SZT2: variants seen among roughly 807,000 people sequenced by gnomAD.
SZT2 encodes KICSTOR complex protein SZT2.
Under a neutral mutation model 404.2 loss-of-function variants are expected in SZT2, and 216 were observed. The observed-to-expected ratio is 0.53, with a 90% CI of 0.48 to 0.60. The LOEUF (loss-of-function observed/expected upper bound fraction) is 0.60, where lower values mean the gene tolerates loss of function less well. Among genes scored for constraint, SZT2 ranks in the 20% least tolerant of loss-of-function variants. The probability of loss-of-function intolerance (pLI) is 0.00; values close to 1 mark genes in which losing one functional copy is unlikely to be tolerated. For missense variants in SZT2, 3,857 were observed against 4,459.2 expected, an observed-to-expected ratio of 0.86 and a Z score of 3.85; for synonymous variants, 1,693 against 1,749.9, an observed-to-expected ratio of 0.97 and a Z score of 0.81.
Position 43,452,985 on chromosome 1 carries a change from C to T in SZT2, c.*2505C>T, listed in dbSNP as rs1442552446. On this transcript the variant is annotated 3_prime_UTR_variant, in exon 72 of 72. Coordinates refer to ENST00000634258, the MANE Select transcript of SZT2 (RefSeq NM_001365999.1). ...TTGCAAGGAACACTCAACTTCCTGC[C>T]CATCAAGCAATGCCCACTCCTTGAA... 1 of 1,600,276 alleles carries T rather than the reference C, an allele frequency of 6.2e-7. No individual in the cohort carries two copies. Among genetic ancestry groups the T allele is most frequent in the Admixed American group, 1.7e-5 (1 of 59,474 alleles).
Position 43,441,544 on chromosome 1 carries a change from C to G in SZT2, c.7552C>G (p.Leu2518Val). ...GCTAGAAGAGGGTGAGGTGGGGACC[C>G]TTCATCCTGTGTTTGCCCGTGTTGC... is the stretch of plus-strand genomic sequence containing the variant. Reference protein sequence around the residue: ...TQLEEGEVGTLHPVFARVAQR... With the variant: ...TQLEEGEVGTVHPVFARVAQR... The change falls in exon 54 of 72, where the codon CTT becomes GTT. Residue 2518 changes from leucine (L) to valine (V), a missense_variant. Around this residue, in one of 7 missense-constraint regions of SZT2, gnomAD observed 573 missense variants for 592.4 expected, o/e 0.97. Coordinates refer to ENST00000634258, the MANE Select transcript of SZT2 (RefSeq NM_001365999.1). This position sits in a 1 kb window ranked among gnomAD's most constrained non-coding sequence, Gnocchi z 4.8. The G allele has an allele frequency of 5.0e-6, 8 of 1,614,116 alleles. No homozygotes were observed. The highest frequency in any genetic ancestry group is 2.2e-5 in the East Asian group (1 of 44,884).
intron 1 of SZT2, among the ~76,000 whole-genome samples, chr1:43,401,971 T>G (rs2153929402): frequency 6.6e-6 from 1 of 152,354 alleles, no homozygotes; most frequent in African/African-American, 2.4e-5. Flanking sequence ...GTATCTGTTC[T>G]CCACACTTTT....
chr1:43,421,413 C>T (rs1357787725), intron 11 of SZT2, 110 bp downstream of exon 11: 1 of 1,450,318 alleles, frequency 6.9e-7, no homozygotes, highest in Non-Finnish European at 9.3e-7. Flanking sequence ...GTCTAAGGCA[C>T]CTAAGCCAGA....
At chr1:43,418,355 A>G (rs184901088) in intron 7 of SZT2, among the ~76,000 whole-genome samples, 1 of 152,340 alleles carries the variant, frequency 6.6e-6, no homozygotes, top group Non-Finnish European at 1.5e-5. Context: ...TAAAGTCCCT[A>G]AATTGACAGG....
chr1:43,437,264 G>GAA lies in SZT2; in HGVS notation c.6129_6130dup (p.Thr2044LysfsTer3). ...CATTTCTCCTGTGACGTTGTGTGGG[G>GAA]AACTGTGATCCGAGTCCATTCACGC... On this transcript the variant is annotated frameshift_variant, in exon 43 of 72. Transcript: ENST00000634258. LOFTEE classifies it high-confidence loss of function. The surrounding 1 kb of genome is among the most constrained non-coding windows in gnomAD (Gnocchi z 5.3). The GAA allele has an allele frequency of 6.2e-7, 1 of 1,614,158 alleles. No homozygotes were observed. Among genetic ancestry groups the GAA allele is most frequent in the Non-Finnish European group, 8.5e-7 (1 of 1,180,026 alleles).
At chr1:43,427,812 G>A (rs907531712) in intron 26 of SZT2, 78 bp downstream of exon 26, 15 of 1,520,256 alleles carry the variant, frequency 9.9e-6, no homozygotes, top group Middle Eastern at 4.5e-4. Flanking sequence ...ACTAATAGGC[G>A]TGGGCAGGTA....
At position 43,430,153 on chromosome 1, in the gene SZT2, A is replaced by G. The variant is rs375690700; in HGVS notation, c.4401+50A>G. 97 of 1,603,552 alleles carry G rather than the reference A, an allele frequency of 6.0e-5. No individual in the cohort carries two copies. In the Middle Eastern group the frequency reaches 1.2e-3, roughly 19 times the overall value. On this transcript the variant is annotated intron_variant, in intron 30 of 71. Transcript: ENST00000634258. ...TCTCGTGCCCTCAACCCAGAGGCCCACCCAGACCCTCTTGAGTCTTGGTTC... is the reference window on the plus strand; with the variant it reads ...TCTCGTGCCCTCAACCCAGAGGCCCGCCCAGACCCTCTTGAGTCTTGGTTC...
intron 1 of SZT2, among the ~76,000 whole-genome samples, chr1:43,398,675 C>A (rs1297744993): frequency 6.6e-6 from 1 of 152,134 alleles, no homozygotes; most frequent in East Asian, 1.9e-4. Flanking sequence ...AATAAATAGA[C>A]CCCTTTTCTG....
rs770860021 is a variant in SZT2, at chr1:43,451,908, G to A, written c.*1428G>A. 1.2e-6 allele frequency: 2 copies of A among 1,613,428 alleles called. No individual in the cohort carries two copies. Among genetic ancestry groups the A allele is most frequent in the East Asian group, 2.2e-5 (1 of 44,848 alleles). On this transcript the variant is annotated 3_prime_UTR_variant, in exon 72 of 72. Transcript: ENST00000634258. ...AAGAGCACAGGAATCAAAAGGGACA[G>A]AAGGAGAGACAGGGCTGGGGTCGTA...
chr1:43,409,456 C>A, intron 4 of SZT2: 1 of 385,006 alleles, frequency 2.6e-6, no homozygotes, highest in Non-Finnish European at 5.0e-6. Context: ...AAAGGTCATC[C>A]AAACTGGAAA....
At chr1:43,398,167 T>C (rs926253052) in intron 1 of SZT2, among the ~76,000 whole-genome samples, 16 of 152,190 alleles carry the variant, frequency 1.1e-4, no homozygotes, top group African/African-American at 3.4e-4. Flanking sequence ...AGGAAAGTAG[T>C]GTTGACACTA....
In SZT2 at chr1:43,389,927, G is replaced by C; in HGVS notation, c.-42G>C. On this transcript the variant is annotated 5_prime_UTR_variant, in exon 1 of 72. Transcript: ENST00000634258. ...GTAGCGAGGTCAGGGGTCAAGAGTG[G>C]AACACCCTCACTGGCCCGGGCCGGC... 1 of 1,510,386 alleles carries C rather than the reference G, an allele frequency of 6.6e-7. No individual in the cohort carries two copies. The highest frequency in any genetic ancestry group is 2.0e-5 in the Admixed American group (1 of 48,926). 93.6% of individuals were successfully genotyped at this position (1,510,386 alleles called of 1,614,324 possible). A position where few individuals can be genotyped will look rare whatever the true frequency, so the allele number is the denominator to read the frequency against.
chr1:43,443,564 G>A (rs1655323101), intron 61 of SZT2, 33 bp from the exon 62 acceptor site: 1 of 1,613,618 alleles, frequency 6.2e-7, no homozygotes, highest in African/African-American at 1.3e-5. Flanking sequence ...GGTTGACAGT[G>A]GGGAGAGTCT....
chr1:43,446,137 C>G (rs780749700), intron 63 of SZT2, 42 bp from the exon 64 acceptor site: 1 of 1,610,622 alleles, frequency 6.2e-7, no homozygotes, highest in Non-Finnish European at 8.5e-7. Context: ...TGATTCGAGG[C>G]TGGTGAGCCC....
At chr1:43,431,127 T>C in intron 33 of SZT2, 37 bp downstream of exon 33, 1 of 1,606,972 alleles carries the variant, frequency 6.2e-7, no homozygotes, top group South Asian at 1.1e-5. Context: ...TTGGGACCTT[T>C]TTAGGGTAGG....
intron 4 of SZT2, among the ~76,000 whole-genome samples, chr1:43,410,955 G>A (rs1035228087): frequency 1.3e-5 from 2 of 152,126 alleles, no homozygotes; most frequent in African/African-American, 4.8e-5. Flanking sequence ...GTGCTGCCCT[G>A]CCTGGGTGGG....
In SZT2 at chr1:43,426,607, T is replaced by G; in HGVS notation, c.3214+69T>G. On this transcript the variant is annotated intron_variant, in intron 22 of 71. Transcript: ENST00000634258. The surrounding 1 kb of genome is among the most constrained non-coding windows in gnomAD (Gnocchi z 4.9). The stretch of plus-strand genomic sequence containing the variant: ...CTTTTCCCCCACCCTCACAGGGTGA[T>G]TTCTGTCTTTGAGTTTTGGCTTTCC... 6.6e-7 allele frequency: 1 copy of G among 1,505,478 alleles called. No homozygotes were observed. The highest frequency in any genetic ancestry group is 8.9e-7 in the Non-Finnish European group (1 of 1,118,554). The allele number at this position is 1,505,478 out of a possible 1,614,324, so 93.3% of individuals were successfully genotyped here. A position where few individuals can be genotyped will look rare whatever the true frequency, so the allele number is the denominator to read the frequency against.
chr1:43,431,844 A>C lies in SZT2; in HGVS notation c.5217A>C (p.Gln1739His). 1 of 1,614,184 alleles carries C rather than the reference A, an allele frequency of 6.2e-7. No individual in the cohort carries two copies. Among genetic ancestry groups the C allele is most frequent in the Non-Finnish European group, 8.5e-7 (1 of 1,180,038 alleles). ...SSPGRSTCLR[Q>H]TLPLSFVFGP... ...CTGGACGCTCCACCTGCCTTCGCCA[A>C]ACTCTGCCACTGAGTTTTGTATTTG... The change falls in exon 36 of 72, where the codon CAA (glutamine) becomes CAC (histidine). Residue 1739 changes from glutamine (Q) to histidine (H), a missense_variant. Gln to His is a conservative substitution (Grantham distance 24). Around this residue, in one of 7 missense-constraint regions of SZT2, gnomAD observed 1,725 missense variants for 1,881.0 expected, o/e 0.92. Transcript: ENST00000634258.
chr1:43,447,782 T>G, intron 67 of SZT2, 67 bp from the exon 68 acceptor site: 5 of 1,610,872 alleles, frequency 3.1e-6, no homozygotes, highest in Non-Finnish European at 4.2e-6. Flanking sequence ...AATGTTTTCT[T>G]GGGCAGGGGT....
Sources: gnomAD v4.1 joint callset for allele counts (sites outside exome capture counted in the v4.1 genomes callset) on GRCh38, gnomAD v4.1.1 for gene constraint, gnomAD v4.1.1 regional missense constraint, Gnocchi (gnomAD v3.1) non-coding constraint, MANE v1.5 for transcripts, NCBI Gene and HGNC (gene_info 2026-07-23, HGNC 2026-07-21) for gene names.